Variants in PCDH11Y observed in about 807,000 individuals in gnomAD.
PCDH11Y encodes the protein protocadherin 11 Y-linked, also known as protocadherin-11 Y-linked.
For synonymous variants in PCDH11Y, 9 were observed against 83.6 expected (o/e 0.11, Z 4.87); for missense variants, 12 against 224.8 (o/e 0.05, Z 6.05).
intron 1 of PCDH11Y, among the ~76,000 whole-genome samples, chrY:5,004,132 C>A: frequency 3.0e-5 from 1 of 32,952 alleles, no homozygotes; most frequent in Admixed American, 2.7e-4. Context: ...CTTAAAGTTG[C>A]TGTGCGTCTG....
intron 4 of PCDH11Y, among the ~76,000 whole-genome samples, chrY:5,644,117 A>G: frequency 3.0e-5 from 1 of 32,840 alleles, no homozygotes; most frequent in Non-Finnish European, 7.5e-5. Flanking sequence ...GAACTCTATG[A>G]TTTCTAATAA....
At chrY:5,416,334 G>A (rs207480340) in intron 2 of PCDH11Y, among the ~76,000 whole-genome samples, 2 of 32,970 alleles carry the variant, frequency 6.1e-5, no homozygotes, top group East Asian at 1.6e-3. Context: ...AGATTGGGAC[G>A]CTAGTATTCT....
intron 2 of PCDH11Y, among the ~76,000 whole-genome samples, chrY:5,446,615 CA>C (rs2053287897): frequency 3.0e-5 from 1 of 33,081 alleles, no homozygotes; most frequent in South Asian, 6.5e-4. Context: ...TGTGAGTTCT[CA>C]AAGTTTTTAA....
At position 5,253,527 on chromosome Y, in the gene PCDH11Y, T is replaced by TGTGTA. The variant is rs2053006435; in HGVS notation, c.3129+152820_3129+152821insGTGTA. On this transcript the variant is annotated intron_variant, in intron 2 of 4. Coordinates refer to the PCDH11Y transcript ENST00000400457. ...GTTGGAAGGAAGAATCAATGACCCATCATGAGCAATGTACACACACTCTTG... is the reference window on the plus strand; with the variant it reads ...GTTGGAAGGAAGAATCAATGACCCATGTGTACATGAGCAATGTACACACACTCTTG... Among the ~76,000 whole-genome samples the TGTGTA allele has an allele frequency of 3.5e-4, 11 of 31,100 alleles. No individual in the cohort carries two copies. The South Asian group carries it at 8.5e-3, about 24-fold the overall frequency. 83.4% of individuals were successfully genotyped at this position (31,100 alleles called of 37,273 possible). A position where few individuals can be genotyped will look rare whatever the true frequency, so the allele number is the denominator to read the frequency against.
In PCDH11Y at chrY:5,060,982, G is replaced by A. The variant is rs35192147; in HGVS notation, c.636+3523G>A. 9.7e-3 allele frequency among the ~76,000 whole-genome samples: 300 copies of A among 30,835 alleles called. No homozygotes were observed. The Middle Eastern group carries it at 0.27, about 27-fold the overall frequency. 82.7% of individuals were successfully genotyped at this position (30,835 alleles called of 37,273 possible). A position where few individuals can be genotyped will look rare whatever the true frequency, so the allele number is the denominator to read the frequency against. ...AGATTGCGCCATTGCAATCCAGCCCGGGTAACAGTGAAAGACTCTGTCTCC... is the reference window on the plus strand; with the variant it reads ...AGATTGCGCCATTGCAATCCAGCCCAGGTAACAGTGAAAGACTCTGTCTCC... On this transcript the variant is annotated intron_variant, in intron 1 of 1. Transcript: ENST00000215473.
At chrY:5,553,319 T>A in intron 3 of PCDH11Y, among the ~76,000 whole-genome samples, 1 of 32,841 alleles carries the variant, frequency 3.0e-5, no homozygotes, top group African/African-American at 1.2e-4. Flanking sequence ...GAAGTTTTAT[T>A]TTAGATTCAG....
chrY:5,736,591 T>A, intron 4 of PCDH11Y, among the ~76,000 whole-genome samples: 1 of 31,619 alleles, frequency 3.2e-5, no homozygotes, highest in East Asian at 8.2e-4. Flanking sequence ...TATTGATGTT[T>A]GATATCTATT....
At chrY:5,679,284 T>C in intron 4 of PCDH11Y, among the ~76,000 whole-genome samples, 5 of 33,268 alleles carry the variant, frequency 1.5e-4, no homozygotes, top group Non-Finnish European at 3.7e-4. Context: ...GGACTTTTAT[T>C]ATGCATTTTG....
chrY:5,122,171 T>C, intron 2 of PCDH11Y, among the ~76,000 whole-genome samples: 1 of 32,817 alleles, frequency 3.0e-5, no homozygotes, highest in African/African-American at 1.2e-4. Flanking sequence ...TCACAGGGCA[T>C]GGTAATACCA....
chrY:5,121,276 CA>C (rs2052817931), intron 2 of PCDH11Y, among the ~76,000 whole-genome samples: 1 of 30,057 alleles, frequency 3.3e-5, no homozygotes, highest in Non-Finnish European at 7.9e-5. Context: ...TTCGAGTCCC[CA>C]AACCTCAACA....
intron 3 of PCDH11Y, among the ~76,000 whole-genome samples, chrY:5,507,234 A>T: frequency 1.2e-4 from 4 of 33,271 alleles, no homozygotes; most frequent in Non-Finnish European, 3.0e-4. Context: ...TTTACCATTT[A>T]AACTGACATG....
intron 2 of PCDH11Y, among the ~76,000 whole-genome samples, chrY:5,189,600 C>A: frequency 2.9e-5 from 1 of 34,080 alleles, no homozygotes; most frequent in South Asian, 6.4e-4. Flanking sequence ...CCAAACCTTA[C>A]AATCATTTGT....
At chrY:5,693,984 G>C in intron 4 of PCDH11Y, among the ~76,000 whole-genome samples, 1 of 32,690 alleles carries the variant, frequency 3.1e-5, no homozygotes, top group African/African-American at 1.2e-4. Context: ...AACTATATTA[G>C]ATGTTTTGAG....
chrY:5,736,233 G>A, intron 4 of PCDH11Y, among the ~76,000 whole-genome samples: 2 of 33,127 alleles, frequency 6.0e-5, no homozygotes, highest in Non-Finnish European at 1.5e-4. Context: ...AAATTGAATA[G>A]TTCTACTAAT....
At chrY:5,247,632 G>T in intron 2 of PCDH11Y, among the ~76,000 whole-genome samples, 1 of 32,400 alleles carries the variant, frequency 3.1e-5, no homozygotes, top group African/African-American at 1.2e-4. Context: ...AAGTTAGAAA[G>T]ATCTCAAATC....
At chrY:5,107,769 C>G, downstream of PCDH11Y, among the ~76,000 whole-genome samples, 1 of 33,294 alleles carries the variant, frequency 3.0e-5, no homozygotes, top group Non-Finnish European at 7.4e-5. Context: ...AATCTTAAAA[C>G]TAGTCATCGG....
intron 2 of PCDH11Y, among the ~76,000 whole-genome samples, chrY:5,297,907 G>A (rs2124662786): frequency 3.0e-5 from 1 of 33,574 alleles, no homozygotes; most frequent in Non-Finnish European, 7.4e-5. Flanking sequence ...TGGTGTTGCA[G>A]CGGGGGAAAT....
At chrY:5,573,456 C>T (rs1407288428) in intron 3 of PCDH11Y, 1 of 294,837 alleles carries the variant, frequency 3.4e-6, no homozygotes, top group East Asian at 9.8e-5. Flanking sequence ...GACTGAGAAC[C>T]GTAGGCTGGA....
intron 2 of PCDH11Y, among the ~76,000 whole-genome samples, chrY:5,209,145 A>G: frequency 3.1e-5 from 1 of 32,096 alleles, no homozygotes; most frequent in Non-Finnish European, 7.6e-5. Flanking sequence ...TTTTGAGTTT[A>G]CCACTGCTAA....
Sources: allele counts gnomAD v4.1 joint callset (sites outside exome capture counted in the v4.1 genomes callset), GRCh38; gene constraint gnomAD v4.1.1; transcripts MANE v1.5; gene names NCBI Gene and HGNC (gene_info 2026-07-23, HGNC 2026-07-21).